STAG1: variants seen among roughly 807,000 people sequenced by gnomAD.
STAG1 encodes the protein cohesin subunit SA-1.
STAG1 carries 26 observed loss-of-function variants against 170.9 expected under a neutral mutation model. The ratio of observed to expected loss-of-function variants is 0.15; its 90% confidence interval spans 0.11 to 0.21. The LOEUF (loss-of-function observed/expected upper bound fraction) is 0.21, where lower values mean the gene tolerates loss of function less well. Among genes scored for constraint, STAG1 ranks in the 10% least tolerant of loss-of-function variants. STAG1 has a pLI of 1.00. For synonymous variants in STAG1, 514 were observed against 497.7 expected (o/e 1.03, Z -0.44); for missense variants, 964 against 1,509.5 (o/e 0.64, Z 5.99).
At chr3:136,422,008 G>A (rs1372261541) in intron 19 of STAG1, among the ~76,000 whole-genome samples, 3 of 151,952 alleles carry the variant, frequency 2.0e-5, no homozygotes, top group African/African-American at 7.2e-5. Context: ...ACAGCCAAGC[G>A]TGGTGACAGG....
At chr3:136,531,406 C>G (rs1479312677) in intron 6 of STAG1, among the ~76,000 whole-genome samples, 1 of 151,082 alleles carries the variant, frequency 6.6e-6, no homozygotes, top group East Asian at 1.9e-4. Context: ...CATCCCATTA[C>G]TGGGTATATA....
At chr3:136,356,253 T>C (rs1936648415) in intron 28 of STAG1, among the ~76,000 whole-genome samples, 2 of 152,156 alleles carry the variant, frequency 1.3e-5, no homozygotes, top group Non-Finnish European at 2.9e-5. Flanking sequence ...TAGCTGACCA[T>C]ACTAGGGGCT....
rs1398999454 is a variant in STAG1 at position 136,717,418 on chromosome 3, C to CTT, written c.-84+34775_-84+34776dup. ...GTGGCTCATGCTTGTAATCCCAGCACTTTGGGAGGTCGAGGCAGGTGGATC... is the reference window on the plus strand; with the variant it reads ...GTGGCTCATGCTTGTAATCCCAGCACTTTTTGGGAGGTCGAGGCAGGTGGATC... On this transcript the variant is annotated intron_variant, in intron 1 of 33. Transcript: ENST00000383202. Among the ~76,000 whole-genome samples the CTT allele has an allele frequency of 7.6e-4, 115 of 152,146 alleles. 1 individual carries two copies. The highest frequency in any genetic ancestry group is 1.3e-4 in the Non-Finnish European group (9 of 68,038).
intron 1 of STAG1, among the ~76,000 whole-genome samples, chr3:136,714,676 C>T (rs1943472011): frequency 6.6e-6 from 1 of 151,880 alleles, no homozygotes. Flanking sequence ...TGCAGTGAGC[C>T]AAGATCGTGC....
At chr3:136,629,349 C>T (rs1940233295) in intron 2 of STAG1, among the ~76,000 whole-genome samples, 1 of 151,924 alleles carries the variant, frequency 6.6e-6, no homozygotes, top group African/African-American at 2.4e-5. Flanking sequence ...GGCATAAGAC[C>T]TGAGCTAAGA....
chr3:136,610,528 G>T (rs1939220307), intron 3 of STAG1, among the ~76,000 whole-genome samples: 1 of 152,124 alleles, frequency 6.6e-6, no homozygotes, highest in African/African-American at 2.4e-5. Flanking sequence ...AATTGGAGAA[G>T]TGTATTTAAC....
At chr3:136,677,701 A>G (rs2107882851) in intron 1 of STAG1, among the ~76,000 whole-genome samples, 1 of 152,078 alleles carries the variant, frequency 6.6e-6, no homozygotes, top group African/African-American at 2.4e-5. Context: ...CCCTCGCCAG[A>G]CACTGAATTT....
chr3:136,430,243 C>A (rs944116473), intron 16 of STAG1: 4 of 152,080 alleles, frequency 2.6e-5, no homozygotes, highest in African/African-American at 9.7e-5. Flanking sequence ...CAAGGGTAAA[C>A]GGTATATAAT....
Position 136,751,750 on chromosome 3 carries a change from C to T in STAG1, c.-84+445G>A, listed in dbSNP as rs1179550193. On this transcript the variant is annotated intron_variant, in intron 1 of 33. Transcript: ENST00000383202. ...AGGTCGGCAGGCGGCGGAAGGCATT[C>T]GCGCCAGCCCGCGTCGGCCCGGCCC... Among the ~76,000 whole-genome samples the T allele has an allele frequency of 3.3e-5, 5 of 151,836 alleles. No individual in the cohort carries two copies. The East Asian group carries it at 9.7e-4, about 30-fold the overall frequency.
intron 28 of STAG1, among the ~76,000 whole-genome samples, chr3:136,357,375 T>C (rs554753490): frequency 6.6e-6 from 1 of 152,310 alleles, no homozygotes; most frequent in East Asian, 1.9e-4. Context: ...ATCAATCTTT[T>C]GAAACAAGTC....
At chr3:136,623,625 T>C (rs1270797536) in intron 2 of STAG1, among the ~76,000 whole-genome samples, 1 of 152,158 alleles carries the variant, frequency 6.6e-6, no homozygotes, top group East Asian at 1.9e-4. Context: ...ATGCCAGTCT[T>C]TTCAAAAAAA....
chr3:136,531,353 G>A (rs866064903), intron 6 of STAG1, among the ~76,000 whole-genome samples: 3 of 150,706 alleles, frequency 2.0e-5, no homozygotes, highest in Admixed American at 6.6e-5. Flanking sequence ...TCAGTGTGGC[G>A]ATTCCTCAGG....
chr3:136,632,542 G>A (rs773732275), intron 1 of STAG1, among the ~76,000 whole-genome samples: 23 of 152,098 alleles, frequency 1.5e-4, no homozygotes, highest in Non-Finnish European at 2.5e-4. Flanking sequence ...CTGCTGAAAG[G>A]ATTTAAATAT....
intron 14 of STAG1, among the ~76,000 whole-genome samples, chr3:136,446,394 G>A (rs1013634324): frequency 3.3e-5 from 5 of 151,778 alleles, no homozygotes; most frequent in African/African-American, 1.2e-4. Flanking sequence ...CATGTCCTTT[G>A]ATTTGGTTCT....
chr3:136,464,949 A>G lies in STAG1; in HGVS notation c.1245T>C (p.Asn415=). 1 of 1,611,942 alleles carries G rather than the reference A, an allele frequency of 6.2e-7. No homozygotes were observed. Among genetic ancestry groups the G allele is most frequent in the Non-Finnish European group, 8.5e-7 (1 of 1,179,050 alleles). ...EEALSNEDCE[N]VYHLVYSAHR... ...GTGCCGAGTACACCAAGTGGTAAAC[A>G]TTTTCACAGTCTTCATTGGAAAGAG... Residue 415 remains asparagine, a synonymous_variant, in exon 13 of 34, where the codon AAT becomes AAC. Transcript: ENST00000383202.
chr3:136,472,029 G>T (rs192314620), intron 12 of STAG1, among the ~76,000 whole-genome samples: 1 of 151,904 alleles, frequency 6.6e-6, no homozygotes, highest in Non-Finnish European at 1.5e-5. Flanking sequence ...GTAGAGACAG[G>T]GTCTCCCCTT....
chr3:136,717,813 T>C (rs1007121306), intron 1 of STAG1, among the ~76,000 whole-genome samples: 3 of 152,224 alleles, frequency 2.0e-5, no homozygotes, highest in East Asian at 1.9e-4. Flanking sequence ...TTTAAAGCAA[T>C]TGGATTTCTA....
At chr3:136,574,365 C>T (rs542372177) in intron 4 of STAG1, among the ~76,000 whole-genome samples, 17 of 152,028 alleles carry the variant, frequency 1.1e-4, no homozygotes, top group Non-Finnish European at 1.8e-4. Flanking sequence ...CACACACACA[C>T]GCACATCCTT....
chr3:136,368,518 T>A (rs777329829), intron 24 of STAG1, among the ~76,000 whole-genome samples: 9 of 148,438 alleles, frequency 6.1e-5, no homozygotes, highest in Non-Finnish European at 1.2e-4. Context: ...ATTATGAACC[T>A]GGACATAGCC....
Sources: allele counts gnomAD v4.1 joint callset (sites outside exome capture counted in the v4.1 genomes callset), GRCh38; gene constraint gnomAD v4.1.1; transcripts MANE v1.5; gene names NCBI Gene and HGNC (gene_info 2026-07-23, HGNC 2026-07-21).